Variants in ICA1 observed in about 807,000 individuals in gnomAD.
ICA1 encodes 69 kDa islet cell autoantigen.
Under a neutral mutation model 71.0 loss-of-function variants are expected in ICA1, and 40 were observed. The observed-to-expected ratio is 0.56, with a 90% CI of 0.44 to 0.73. The LOEUF (loss-of-function observed/expected upper bound fraction) is 0.73, where lower values mean the gene tolerates loss of function less well. ICA1 is among the 30% of genes least tolerant of loss of function. ICA1 has a pLI of 0.00. For synonymous variants in ICA1, 207 were observed against 209.5 expected (o/e 0.99, Z 0.10); for missense variants, 578 against 576.5 (o/e 1.00, Z -0.03).
At chr7:8,125,446 T>C (rs777317283) in intron 13 of ICA1, among the ~76,000 whole-genome samples, 1 of 152,160 alleles carries the variant, frequency 6.6e-6, no homozygotes, top group Non-Finnish European at 1.5e-5. Flanking sequence ...CATTCTCACC[T>C]CCTGCAAGTC....
chr7:8,206,009 C>G (rs10440983), intron 6 of ICA1, among the ~76,000 whole-genome samples: 10,016 of 152,212 alleles, frequency 0.066, 675 homozygotes, highest in African/African-American at 0.17. Flanking sequence ...CTCTCTCCCC[C>G]TCCCCCTTCG....
intron 13 of ICA1, among the ~76,000 whole-genome samples, chr7:8,119,330 T>C (rs1785910316): frequency 6.6e-6 from 1 of 152,168 alleles, no homozygotes; most frequent in Non-Finnish European, 1.5e-5. Context: ...AAGATCATTC[T>C]TCCCATTTCA....
At chr7:8,167,017 C>T (rs1057448147) in intron 6 of ICA1, among the ~76,000 whole-genome samples, 4 of 152,118 alleles carry the variant, frequency 2.6e-5, no homozygotes, top group Non-Finnish European at 4.4e-5. Context: ...TGTGTATATA[C>T]TGCTGGTGGG....
intron 6 of ICA1, among the ~76,000 whole-genome samples, chr7:8,168,051 G>C (rs62433163): frequency 0.13 from 19,595 of 151,592 alleles, 1,532 homozygotes; most frequent in East Asian, 0.29. Context: ...AGAGAGAGAC[G>C]GAGAGACTGA....
chr7:8,168,332 T>C (rs1020925087), intron 6 of ICA1, among the ~76,000 whole-genome samples: 4 of 152,170 alleles, frequency 2.6e-5, no homozygotes, highest in Non-Finnish European at 1.5e-5. Flanking sequence ...TTTCCATTTA[T>C]CAGATACCAC....
intron 6 of ICA1, among the ~76,000 whole-genome samples, chr7:8,212,751 T>C (rs1278632349): frequency 1.3e-5 from 2 of 152,120 alleles, no homozygotes; most frequent in Non-Finnish European, 2.9e-5. Flanking sequence ...TCCTTCCTCC[T>C]CTCCATTTCC....
At chr7:8,193,667 A>G (rs1405726954) in intron 6 of ICA1, among the ~76,000 whole-genome samples, 1 of 152,218 alleles carries the variant, frequency 6.6e-6, no homozygotes. Flanking sequence ...CCATTGCGTG[A>G]TATCATACCG....
chr7:8,197,697 G>A (rs1435089757), intron 6 of ICA1, among the ~76,000 whole-genome samples: 2 of 151,664 alleles, frequency 1.3e-5, no homozygotes, highest in African/African-American at 4.8e-5. Context: ...AAAACTCTAA[G>A]GGGGCACAAA....
chr7:8,261,813 G>A (rs1584035454), intron 1 of ICA1, among the ~76,000 whole-genome samples: 1 of 152,230 alleles, frequency 6.6e-6, no homozygotes, highest in East Asian at 1.9e-4. Flanking sequence ...AGCGCGGAAC[G>A]CTTCCCTACC....
intron 6 of ICA1, among the ~76,000 whole-genome samples, chr7:8,159,543 C>G (rs963232072): frequency 8.6e-5 from 13 of 151,988 alleles, no homozygotes; most frequent in African/African-American, 3.1e-4. Flanking sequence ...GAAACCCCAT[C>G]TCTACAACAA....
At chr7:8,126,413 CA>C (rs1463176968) in intron 13 of ICA1, among the ~76,000 whole-genome samples, 1 of 152,098 alleles carries the variant, frequency 6.6e-6, no homozygotes, top group Non-Finnish European at 1.5e-5. Flanking sequence ...GGGTGAAACT[CA>C]GGGTGGAGAA....
At chr7:8,208,703 G>GT (rs1236437312) in intron 6 of ICA1, among the ~76,000 whole-genome samples, 1 of 152,140 alleles carries the variant, frequency 6.6e-6, no homozygotes. Flanking sequence ...CCTGAACATG[G>GT]TAATTTTCCA....
chr7:8,218,598 C>G, intron 5 of ICA1, 95 bp from the exon 6 acceptor site: 4 of 947,200 alleles, frequency 4.2e-6, no homozygotes, highest in East Asian at 2.5e-5. Flanking sequence ...GAGTCTAGAA[C>G]AGTACCTGGA....
chr7:8,135,499 G>A (rs1398303999), intron 12 of ICA1, among the ~76,000 whole-genome samples: 2 of 152,194 alleles, frequency 1.3e-5, no homozygotes, highest in Admixed American at 6.5e-5. Context: ...AAAAGAGAAG[G>A]CGCTTTTTAG....
intron 13 of ICA1, chr7:8,114,906 G>A (rs533758725): frequency 5.9e-5 from 9 of 152,292 alleles, no homozygotes; most frequent in South Asian, 4.1e-4. Flanking sequence ...TGAAGAAAAC[G>A]TCTCTGATGG....
intron 8 of ICA1, among the ~76,000 whole-genome samples, chr7:8,154,199 T>A (rs1457280124): frequency 6.6e-6 from 1 of 152,212 alleles, no homozygotes; most frequent in Non-Finnish European, 1.5e-5. Flanking sequence ...TGGATATTTT[T>A]CAAGTATGAA....
chr7:8,177,341 TTC>T (rs1299067472), intron 6 of ICA1, among the ~76,000 whole-genome samples: 3 of 152,190 alleles, frequency 2.0e-5, no homozygotes, highest in Non-Finnish European at 4.4e-5. Flanking sequence ...TTTTTCTGTT[TTC>T]TGTTTTTAAC....
intron 6 of ICA1, among the ~76,000 whole-genome samples, chr7:8,197,361 T>C (rs1183433085): frequency 2.6e-5 from 4 of 151,440 alleles, no homozygotes; most frequent in African/African-American, 9.7e-5. Context: ...AAGACAAGCC[T>C]GGCCAACATA....
intron 9 of ICA1, 86 bp from the exon 10 acceptor site, chr7:8,141,903 A>G (rs1042773054): frequency 1.5e-6 from 2 of 1,328,826 alleles, no homozygotes; most frequent in Non-Finnish European, 2.1e-6. Flanking sequence ...ATATTACTTC[A>G]CTTTTAACAC....
Sources: allele counts gnomAD v4.1 joint callset (sites outside exome capture counted in the v4.1 genomes callset), GRCh38; gene constraint gnomAD v4.1.1; transcripts MANE v1.5; gene names NCBI Gene and HGNC (gene_info 2026-07-23, HGNC 2026-07-21).